The following NELL2 variants were observed in gnomAD, a reference collection of about 807,000 sequenced individuals.
NELL2 encodes the protein protein kinase C-binding protein NELL2.
A neutral mutation model predicts 109.6 loss-of-function variants in NELL2; 41 were observed. That is an observed-to-expected ratio of 0.37 (90% CI 0.29 to 0.49). The LOEUF is 0.49. NELL2 is among the 20% of genes least tolerant of loss of function. The pLI is 0.98. For synonymous variants in NELL2, 355 were observed against 344.7 expected, an observed-to-expected ratio of 1.03 and a Z score of -0.33; for missense variants, 900 against 1,008.3, an observed-to-expected ratio of 0.89 and a Z score of 1.45.
At chr12:44,715,864 T>C (rs943161248) in intron 9 of NELL2, among the ~76,000 whole-genome samples, 12 of 152,342 alleles carry the variant, frequency 7.9e-5, no homozygotes, top group Non-Finnish European at 1.3e-4. Flanking sequence ...AGAAATTGTC[T>C]CACTCTTTGG....
At chr12:44,665,164 A>G (rs936761079) in intron 13 of NELL2, among the ~76,000 whole-genome samples, 2 of 152,126 alleles carry the variant, frequency 1.3e-5, no homozygotes, top group African/African-American at 4.8e-5. Flanking sequence ...CTATCATCAT[A>G]TATCATTTAG....
chr12:44,826,040 CA>C (rs938664201), intron 2 of NELL2, among the ~76,000 whole-genome samples: 7 of 147,578 alleles, frequency 4.7e-5, no homozygotes, highest in Middle Eastern at 3.4e-3. Context: ...GAAACTCCGT[CA>C]AAAAAAAATA....
At chr12:44,751,227 A>C (rs1264770452) in intron 9 of NELL2, among the ~76,000 whole-genome samples, 1 of 152,164 alleles carries the variant, frequency 6.6e-6, no homozygotes, top group Non-Finnish European at 1.5e-5. Flanking sequence ...CAGAAATAAT[A>C]AATGTTGTTT....
At chr12:44,890,931 T>C (rs1945526705) in intron 1 of NELL2, among the ~76,000 whole-genome samples, 1 of 152,276 alleles carries the variant, frequency 6.6e-6, no homozygotes, top group South Asian at 2.1e-4. Context: ...GGTTTCATCA[T>C]GTTAGCAAGG....
At chr12:44,623,181 T>C (rs1477282685) in intron 13 of NELL2, among the ~76,000 whole-genome samples, 1 of 152,138 alleles carries the variant, frequency 6.6e-6, no homozygotes, top group Non-Finnish European at 1.5e-5. Flanking sequence ...ATGGATATTA[T>C]TCCCTCATAA....
intron 2 of NELL2, among the ~76,000 whole-genome samples, chr12:44,846,809 T>C (rs181367916): frequency 6.6e-6 from 1 of 152,354 alleles, no homozygotes; most frequent in Admixed American, 6.5e-5. Context: ...TCTTTCAATT[T>C]CCATTTGAGC....
At position 44,767,439 on chromosome 12, in the gene NELL2, G is replaced by C. The variant is rs185432049; in HGVS notation, c.994+7308C>G. 1.3e-3 allele frequency among the ~76,000 whole-genome samples: 199 copies of C among 152,108 alleles called. 1 individual carries two copies. The highest frequency in any genetic ancestry group is 2.9e-3 in the Admixed American group (45 of 15,262). ...CTTGCCAAAGGAAGAAAACATCTGG[G>C]ACCATCTTCTTGTAGAATAATTTGG... On this transcript the variant is annotated intron_variant, in intron 9 of 19. Coordinates refer to ENST00000429094, the MANE Select transcript of NELL2 (RefSeq NM_001145108.2).
chr12:44,602,076 T>C (rs1945243050), intron 15 of NELL2, among the ~76,000 whole-genome samples: 1 of 152,170 alleles, frequency 6.6e-6, no homozygotes, highest in Non-Finnish European at 1.5e-5. Flanking sequence ...CAAAAAGCCT[T>C]TGGTGAGAGT....
At chr12:44,908,301 G>C (rs1283819445) in intron 1 of NELL2, among the ~76,000 whole-genome samples, 1 of 151,946 alleles carries the variant, frequency 6.6e-6, no homozygotes, top group African/African-American at 2.4e-5. Context: ...ATGTACAGGG[G>C]AATTCTTACA....
At chr12:44,876,697 T>C (rs1398951424), upstream of NELL2, 1 of 1,549,994 alleles carries the variant, frequency 6.5e-7, no homozygotes, top group Non-Finnish European at 8.7e-7. Flanking sequence ...AGCGCTCGCC[T>C]GCCCTTTAAG....
chr12:44,738,007 T>C (rs1195690476), intron 9 of NELL2, among the ~76,000 whole-genome samples: 1 of 152,148 alleles, frequency 6.6e-6, no homozygotes, highest in African/African-American at 2.4e-5. Flanking sequence ...GAAGACTTCA[T>C]AAAGAACAAA....
rs11534984 is a variant in NELL2 at position 44,785,287 on chromosome 12, A to T, written c.336-5265T>A. ...GAGTGAACTTCCATTCACAATTGCT[A>T]CAAAGAGAATAAAATACCTAGGAAT... is the stretch of plus-strand genomic sequence containing the variant. On this transcript the variant is annotated intron_variant, in intron 3 of 19. Coordinates refer to ENST00000429094, the MANE Select transcript of NELL2 (RefSeq NM_001145108.2). Among the ~76,000 whole-genome samples, 345 of 152,300 alleles carry T rather than the reference A, an allele frequency of 2.3e-3. 10 individuals carry two copies. In the East Asian group the frequency reaches 0.049, roughly 22 times the overall value.
chr12:44,819,301 A>C (rs543731593), intron 2 of NELL2, among the ~76,000 whole-genome samples: 2 of 152,172 alleles, frequency 1.3e-5, no homozygotes, highest in Non-Finnish European at 1.5e-5. Flanking sequence ...AAAAAACTGG[A>C]AACAGACCGC....
chr12:44,517,301 C>T (rs898691271), intron 19 of NELL2, among the ~76,000 whole-genome samples: 1 of 151,428 alleles, frequency 6.6e-6, no homozygotes, highest in Non-Finnish European at 1.5e-5. Flanking sequence ...ACTGGCACAA[C>T]TTCAAGTTTG....
At chr12:44,795,705 A>T (rs1942595055) in intron 3 of NELL2, among the ~76,000 whole-genome samples, 1 of 152,160 alleles carries the variant, frequency 6.6e-6, no homozygotes, top group South Asian at 2.1e-4. Flanking sequence ...TATCACTGGT[A>T]TGCGGGGACT....
chr12:44,748,492 CACTT>C (rs1940499628), intron 9 of NELL2, among the ~76,000 whole-genome samples: 1 of 152,084 alleles, frequency 6.6e-6, no homozygotes, highest in Non-Finnish European at 1.5e-5. Context: ...TATATGTTAA[CACTT>C]ACAACACTAA....
chr12:44,660,568 C>T (rs927177230), intron 13 of NELL2, among the ~76,000 whole-genome samples: 3 of 152,142 alleles, frequency 2.0e-5, no homozygotes, highest in African/African-American at 7.2e-5. Flanking sequence ...TTCAAGTATC[C>T]TTTGTCAGGT....
intron 2 of NELL2, among the ~76,000 whole-genome samples, chr12:44,858,390 A>G (rs998050895): frequency 3.3e-5 from 5 of 152,178 alleles, no homozygotes; most frequent in Non-Finnish European, 7.3e-5. Flanking sequence ...CTTTGTAGGG[A>G]GAGACACATG....
intron 10 of NELL2, among the ~76,000 whole-genome samples, 185 bp from the exon 11 acceptor site, chr12:44,711,579 GCAAGTCTTTAGAATAA>G (rs1938206518): frequency 2.6e-5 from 4 of 152,012 alleles, no homozygotes; most frequent in African/African-American, 9.7e-5. Flanking sequence ...TTTAGAATAA[GCAAGTCTTTAGAATAA>G]GAATCAGCCA....
Sources: gnomAD v4.1 joint callset for allele counts (sites outside exome capture counted in the v4.1 genomes callset) on GRCh38, gnomAD v4.1.1 for gene constraint, MANE v1.5 for transcripts, NCBI Gene and HGNC (gene_info 2026-07-23, HGNC 2026-07-21) for gene names.